The following BACE2 variants were observed in gnomAD, a reference collection of about 807,000 sequenced individuals.
BACE2 encodes the protein beta-secretase 2, also known as 56 kDa aspartic-like protease.
In BACE2, 17 loss-of-function variants were observed where a neutral mutation model predicts 46.2. The observed-to-expected ratio is 0.37, with a 90% CI of 0.25 to 0.55. The LOEUF is 0.55. Ranked by LOEUF, BACE2 falls within the 20% of genes least tolerant of loss-of-function variation. The pLI is 0.82. For synonymous variants in BACE2, 277 were observed against 295.9 expected, an observed-to-expected ratio of 0.94 and a Z score of 0.66; for missense variants, 595 against 698.1, an observed-to-expected ratio of 0.85 and a Z score of 1.66.
At chr21:41,250,684 G>A in intron 6 of BACE2, 68 bp from the exon 7 acceptor site, 1 of 1,505,132 alleles carries the variant, frequency 6.6e-7, no homozygotes, top group South Asian at 1.2e-5. Context: ...GGCTAGGAAA[G>A]CCTGGAGCTG....
In BACE2 at chr21:41,257,360, A is replaced by T. The variant is rs781225865; in HGVS notation, c.1303+34A>T. On this transcript the variant is annotated intron_variant, in intron 8 of 8. Coordinates refer to ENST00000330333, the MANE Select transcript of BACE2 (RefSeq NM_012105.5). ...TTCTGGCATCGAACAGGGATCCCCG[A>T]CAAGAGTCCTTTATGTAAATGTGCT... The T allele has an allele frequency of 5.6e-6, 9 of 1,606,134 alleles. No homozygotes were observed. In the South Asian group the frequency reaches 8.8e-5, roughly 16 times the overall value.
intron 8 of BACE2, among the ~76,000 whole-genome samples, chr21:41,261,286 G>T (rs1000822888): frequency 1.3e-5 from 2 of 152,078 alleles, no homozygotes; most frequent in African/African-American, 4.8e-5. Flanking sequence ...GACTGTATTT[G>T]TTTTGTCTTT....
intron 2 of BACE2, among the ~76,000 whole-genome samples, chr21:41,229,818 G>A (rs1424890181): frequency 6.6e-6 from 1 of 152,192 alleles, no homozygotes; most frequent in Admixed American, 6.5e-5. Flanking sequence ...ATATGCATTT[G>A]ATGAATATGA....
intron 8 of BACE2, among the ~76,000 whole-genome samples, chr21:41,265,999 CT>C (rs58745908): frequency 6.6e-6 from 1 of 151,962 alleles, no homozygotes; most frequent in African/African-American, 2.4e-5. Context: ...AAATAACTTA[CT>C]TTTTTTTACT....
At chr21:41,214,813 G>A (rs1041698068) in intron 1 of BACE2, among the ~76,000 whole-genome samples, 2 of 152,198 alleles carry the variant, frequency 1.3e-5, no homozygotes, top group African/African-American at 2.4e-5. Context: ...TGTCATGGAG[G>A]GCGCACTGTG....
intron 1 of BACE2, among the ~76,000 whole-genome samples, chr21:41,212,208 G>C (rs1015618511): frequency 6.6e-5 from 10 of 152,198 alleles, no homozygotes; most frequent in Non-Finnish European, 1.3e-4. Context: ...GGTCTAGTGA[G>C]GGCTTTGTGC....
intron 7 of BACE2, among the ~76,000 whole-genome samples, chr21:41,251,386 A>G (rs1424997183): frequency 6.6e-6 from 1 of 152,212 alleles, no homozygotes; most frequent in Non-Finnish European, 1.5e-5. Flanking sequence ...TGCCCCTCGC[A>G]CTGGGAGGAG....
chr21:41,187,793 G>C (rs550270177), intron 1 of BACE2, among the ~76,000 whole-genome samples: 6 of 152,306 alleles, frequency 3.9e-5, no homozygotes, highest in South Asian at 2.1e-4. Context: ...TTAAGAGCTT[G>C]CAAACCCTTT....
chr21:41,245,837 CATG>C, intron 5 of BACE2, 122 bp from the exon 6 acceptor site: 1 of 659,820 alleles, frequency 1.5e-6, no homozygotes, highest in Non-Finnish European at 2.6e-6. Flanking sequence ...CTACACAGTC[CATG>C]ATGACTGGTG....
At chr21:41,244,175 G>A (rs1987387066) in intron 5 of BACE2, among the ~76,000 whole-genome samples, 1 of 152,212 alleles carries the variant, frequency 6.6e-6, no homozygotes, top group South Asian at 2.1e-4. Flanking sequence ...AAAAACCATG[G>A]GGATGTCATT....
At chr21:41,269,486 C>G (rs1160972006) in intron 8 of BACE2, among the ~76,000 whole-genome samples, 3 of 152,180 alleles carry the variant, frequency 2.0e-5, no homozygotes, top group Non-Finnish European at 2.9e-5. Context: ...GTTTTCCCTG[C>G]CTCCCAGGTC....
chr21:41,178,347 GA>G (rs1423482327), intron 1 of BACE2: 1 of 152,230 alleles, frequency 6.6e-6, no homozygotes, highest in African/African-American at 2.4e-5. Flanking sequence ...AGTGTGAGAA[GA>G]GTTAAAAATC....
chr21:41,206,860 T>G (rs954625164), intron 1 of BACE2, among the ~76,000 whole-genome samples: 6 of 148,878 alleles, frequency 4.0e-5, no homozygotes, highest in African/African-American at 1.6e-4. Context: ...AGTAATCATC[T>G]TATAAATTGC....
chr21:41,253,048 A>G (rs1987684388), intron 7 of BACE2, among the ~76,000 whole-genome samples: 1 of 152,214 alleles, frequency 6.6e-6, no homozygotes, highest in Admixed American at 6.5e-5. Flanking sequence ...AATACCTACC[A>G]AAGACATTTT....
intron 1 of BACE2, among the ~76,000 whole-genome samples, chr21:41,221,607 C>T (rs1423679862): frequency 2.6e-5 from 4 of 152,046 alleles, no homozygotes; most frequent in Non-Finnish European, 4.4e-5. Flanking sequence ...GGGTGGATCA[C>T]GAGGTCAGGA....
intron 1 of BACE2, among the ~76,000 whole-genome samples, chr21:41,169,689 C>T (rs1984530055): frequency 6.6e-6 from 1 of 152,094 alleles, no homozygotes; most frequent in Non-Finnish European, 1.5e-5. Context: ...AAAGACATGC[C>T]ATGCTAATTC....
At chr21:41,270,660 G>T (rs780123685) in intron 8 of BACE2, among the ~76,000 whole-genome samples, 1 of 152,230 alleles carries the variant, frequency 6.6e-6, no homozygotes, top group Non-Finnish European at 1.5e-5. Context: ...TAACCTCAGT[G>T]TGGGCAGGGA....
At chr21:41,259,953 T>C (rs1004266538) in intron 8 of BACE2, among the ~76,000 whole-genome samples, 5 of 151,250 alleles carry the variant, frequency 3.3e-5, no homozygotes, top group African/African-American at 1.2e-4. Context: ...GACCTCAACC[T>C]CCTGAGTAGC....
In BACE2 at chr21:41,168,538, A is replaced by T; in HGVS notation, c.275A>T (p.Tyr92Phe). ...DNLQGDSGRG[Y>F]YLEMLIGTPP... ...CTGCAGGGGGACTCTGGCCGCGGCTACTACCTGGAGATGCTGATCGGGACC... is the reference window on the plus strand; with the variant it reads ...CTGCAGGGGGACTCTGGCCGCGGCTTCTACCTGGAGATGCTGATCGGGACC... Residue 92 changes from tyrosine to phenylalanine, a missense_variant, in exon 1 of 9, where the codon TAC becomes TTC. Tyr to Phe is a conservative substitution (Grantham distance 22). Around this residue, in one of 3 missense-constraint regions of BACE2, gnomAD observed 248 missense variants for 261.4 expected, o/e 0.95. Transcript: ENST00000330333. The T allele has an allele frequency of 7.4e-7, 1 of 1,342,620 alleles. No individual in the cohort carries two copies. 83.2% of individuals were successfully genotyped at this position (1,342,620 alleles called of 1,614,324 possible).
Sources: gnomAD v4.1 joint callset for allele counts (sites outside exome capture counted in the v4.1 genomes callset) on GRCh38, gnomAD v4.1.1 for gene constraint, gnomAD v4.1.1 regional missense constraint, MANE v1.5 for transcripts, NCBI Gene and HGNC (gene_info 2026-07-23, HGNC 2026-07-21) for gene names.